Variants in LRRC7 observed in about 807,000 individuals in gnomAD.
The protein encoded by LRRC7 is leucine rich repeat containing 7.
A neutral mutation model predicts 175.7 loss-of-function variants in LRRC7; 23 were observed. The observed-to-expected ratio is 0.13, with a 90% CI of 0.09 to 0.19. LRRC7 has a LOEUF of 0.19. Among genes scored for constraint, LRRC7 ranks in the 10% least tolerant of loss-of-function variants. The pLI is 1.00. For missense variants in LRRC7, 1,354 were observed against 1,904.7 expected (o/e 0.71, Z 5.38); for synonymous variants, 685 against 680.9 (o/e 1.01, Z -0.09).
intron 8 of LRRC7, among the ~76,000 whole-genome samples, chr1:69,936,760 A>G (rs945377035): frequency 6.6e-6 from 1 of 151,514 alleles, no homozygotes; most frequent in African/African-American, 2.4e-5. Flanking sequence ...CTATTATTTC[A>G]CTCTTTGTGT....
At chr1:69,608,862 CTCTCTATATATATATATATA>C (rs1424419891) in intron 1 of LRRC7, among the ~76,000 whole-genome samples, 5 of 22,144 alleles carry the variant, frequency 2.3e-4, no homozygotes, top group Non-Finnish European at 2.5e-4. Flanking sequence ...CTCTCTCTCT[CTCTCTATATATATATATATA>C]TATATATATA....
intron 26 of LRRC7, 76 bp downstream of exon 26, chr1:70,107,902 T>C (rs897720630): frequency 8.0e-7 from 1 of 1,246,284 alleles, no homozygotes; most frequent in Non-Finnish European, 1.2e-6. Context: ...GTTAAATGAT[T>C]TGAATTAAAT....
intron 2 of LRRC7, among the ~76,000 whole-genome samples, chr1:69,752,745 T>C (rs763147041): frequency 2.0e-4 from 30 of 152,124 alleles, no homozygotes; most frequent in Non-Finnish European, 4.3e-4. Context: ...CACCATTAGA[T>C]ATTCAATTTA....
chr1:69,943,302 T>C (rs567193013), intron 8 of LRRC7, among the ~76,000 whole-genome samples: 6 of 152,104 alleles, frequency 3.9e-5, no homozygotes, highest in Non-Finnish European at 8.8e-5. Flanking sequence ...CGATATGTGC[T>C]ACAACGTGGT....
Position 70,141,560 on chromosome 1 carries a change from A to G in LRRC7, c.*19673A>G, listed in dbSNP as rs941585909. The G allele has an allele frequency of 2.0e-5, 3 of 152,188 alleles. No homozygotes were observed. The highest frequency in any genetic ancestry group is 7.2e-5 in the African/African-American group (3 of 41,538). The allele number at this position is 152,188 out of a possible 1,614,324, so 9.4% of individuals were successfully genotyped here. The stretch of plus-strand genomic sequence containing the variant: ...TGAATGTGCTTTAAAAAAAAAATCA[A>G]TGAATTCAGGGGAATGAAAATACAT... On this transcript the variant is annotated 3_prime_UTR_variant, in exon 27 of 27. Transcript: ENST00000651989.
chr1:70,040,817 G>A (rs576161227), intron 21 of LRRC7, among the ~76,000 whole-genome samples: 19 of 148,634 alleles, frequency 1.3e-4, no homozygotes, highest in Admixed American at 2.7e-4. Flanking sequence ...CTGTCTTGGG[G>A]AAAAAAAAAA....
At chr1:69,616,233 G>A (rs550447943) in intron 1 of LRRC7, among the ~76,000 whole-genome samples, 9 of 151,840 alleles carry the variant, frequency 5.9e-5, no homozygotes, top group Admixed American at 2.0e-4. Flanking sequence ...TAAACGTCTG[G>A]GAAGTTAATT....
intron 1 of LRRC7, among the ~76,000 whole-genome samples, chr1:69,577,408 CT>C (rs1221163327): frequency 1.3e-5 from 2 of 152,070 alleles, no homozygotes; most frequent in Non-Finnish European, 2.9e-5. Flanking sequence ...TCAATTTTGG[CT>C]TTTGTTGCCA....
chr1:70,041,092 A>G (rs1432856470), intron 21 of LRRC7, among the ~76,000 whole-genome samples: 3 of 152,276 alleles, frequency 2.0e-5, no homozygotes, highest in Admixed American at 6.5e-5. Context: ...CTCATTTTCT[A>G]GGGCTGAATG....
intron 1 of LRRC7, among the ~76,000 whole-genome samples, chr1:69,576,534 G>A (rs2100897504): frequency 6.6e-6 from 1 of 152,194 alleles, no homozygotes; most frequent in Admixed American, 6.5e-5. Context: ...TGTAAACAAT[G>A]AAATGTAGAA....
At chr1:69,611,614 A>G (rs1472637954) in intron 1 of LRRC7, among the ~76,000 whole-genome samples, 1 of 152,076 alleles carries the variant, frequency 6.6e-6, no homozygotes. Context: ...TGTCGAACTC[A>G]TGGCCAACAA....
intron 18 of LRRC7, among the ~76,000 whole-genome samples, chr1:70,033,847 A>G (rs911054360): frequency 2.0e-5 from 3 of 152,214 alleles, no homozygotes; most frequent in South Asian, 2.1e-4. Flanking sequence ...TTGTGTTTCT[A>G]TTCTATTTTT....
intron 2 of LRRC7, among the ~76,000 whole-genome samples, chr1:69,719,422 ACT>A (rs1286989611): frequency 2.6e-5 from 4 of 151,642 alleles, no homozygotes; most frequent in African/African-American, 9.7e-5. Context: ...CAGAAAATAC[ACT>A]CAGAATTATC....
intron 2 of LRRC7, among the ~76,000 whole-genome samples, chr1:69,693,328 T>C (rs1662137240): frequency 6.6e-6 from 1 of 152,192 alleles, no homozygotes. Flanking sequence ...CGAGTGTCTG[T>C]GTTAGTCACT....
intron 2 of LRRC7, among the ~76,000 whole-genome samples, chr1:69,733,471 T>C (rs1314430094): frequency 6.6e-6 from 1 of 152,076 alleles, no homozygotes; most frequent in Non-Finnish European, 1.5e-5. Flanking sequence ...GATTATTTGT[T>C]ATTTTCAACT....
intron 23 of LRRC7, among the ~76,000 whole-genome samples, chr1:70,056,570 T>G (rs995305568): frequency 2.6e-5 from 4 of 152,136 alleles, no homozygotes; most frequent in African/African-American, 7.2e-5. Flanking sequence ...CAATGGCGAT[T>G]GGTAATATGA....
At chr1:69,774,843 GAAAT>G (rs1672639446) in intron 3 of LRRC7, among the ~76,000 whole-genome samples, 1 of 151,434 alleles carries the variant, frequency 6.6e-6, no homozygotes, top group Non-Finnish European at 1.5e-5. Context: ...GCCATAATAT[GAAAT>G]AAATACACGA....
intron 25 of LRRC7, among the ~76,000 whole-genome samples, chr1:70,100,049 A>G (rs1664704068): frequency 6.6e-6 from 1 of 152,204 alleles, no homozygotes; most frequent in South Asian, 2.1e-4. Flanking sequence ...CTAAGAAATA[A>G]ACAGGATGCA....
intron 1 of LRRC7, among the ~76,000 whole-genome samples, chr1:69,582,332 C>T (rs1226618708): frequency 3.3e-5 from 5 of 152,188 alleles, no homozygotes; most frequent in Non-Finnish European, 5.9e-5. Context: ...ATTCATTTCT[C>T]CCCTACAGAC....
Sources: gnomAD v4.1 joint callset for allele counts (sites outside exome capture counted in the v4.1 genomes callset) on GRCh38, gnomAD v4.1.1 for gene constraint, MANE v1.5 for transcripts, NCBI Gene and HGNC (gene_info 2026-07-23, HGNC 2026-07-21) for gene names.